The following CIMAP3 variants were observed in gnomAD, a reference collection of about 807,000 sequenced individuals.
CIMAP3 encodes ciliary microtubule associated protein 3.
At chr1:111,352,068 A>G in the CIMAP3 span, 6 of 152,140 alleles carry the variant, frequency 3.9e-5, no homozygotes, top group African/African-American at 1.4e-4. Flanking sequence ...ATGACCCCCT[A>G]GAACCTTACA....
chr1:111,347,747 C>T, the CIMAP3 span: 5 of 1,612,312 alleles, frequency 3.1e-6, no homozygotes. Flanking sequence ...GCCAGAACAG[C>T]TGTGAGGTTT....
the CIMAP3 span, among the ~76,000 whole-genome samples, chr1:111,347,367 T>G: frequency 6.6e-6 from 1 of 152,232 alleles, no homozygotes; most frequent in Non-Finnish European, 1.5e-5. Flanking sequence ...GACAGTTGCA[T>G]TAGAGTAAGT....
chr1:111,346,588 A>C, the CIMAP3 span: 38 of 1,607,444 alleles, frequency 2.4e-5, no homozygotes, highest in Non-Finnish European at 3.0e-5. Flanking sequence ...GCAGCTGGGA[A>C]TCACGGGACT....
At chr1:111,336,898 G>T in the CIMAP3 span, among the ~76,000 whole-genome samples, 1 of 151,822 alleles carries the variant, frequency 6.6e-6, no homozygotes, top group Non-Finnish European at 1.5e-5. Context: ...ATAATTGTCA[G>T]ATTCACCAAA....
At chr1:111,350,344 A>C in the CIMAP3 span, 1 of 748,540 alleles carries the variant, frequency 1.3e-6, no homozygotes, top group Non-Finnish European at 2.2e-6. Context: ...CCAAAAAATT[A>C]TATGCACAAT....
At chr1:111,342,047 C>T in the CIMAP3 span, among the ~76,000 whole-genome samples, 90 of 152,038 alleles carry the variant, frequency 5.9e-4, no homozygotes, top group African/African-American at 2.0e-3. Context: ...AACTTGAGAA[C>T]GATATAAACA....
chr1:111,327,280 G>A, the CIMAP3 span, among the ~76,000 whole-genome samples: 2 of 151,902 alleles, frequency 1.3e-5, no homozygotes, highest in Non-Finnish European at 2.9e-5. Context: ...GAGAGATAGA[G>A]GTCCAGTTTC....
At chr1:111,330,191 G>A in the CIMAP3 span, among the ~76,000 whole-genome samples, 1 of 152,094 alleles carries the variant, frequency 6.6e-6, no homozygotes, top group African/African-American at 2.4e-5. Context: ...TGTTATTCCA[G>A]CCAGTTCAGC....
At chr1:111,348,646 G>A in the CIMAP3 span, 2 of 1,579,942 alleles carry the variant, frequency 1.3e-6, no homozygotes, top group Non-Finnish European at 1.7e-6. Context: ...TACTATCCCA[G>A]GTATGTCTCC....
chr1:111,327,585 G>C, the CIMAP3 span, among the ~76,000 whole-genome samples: 1 of 152,048 alleles, frequency 6.6e-6, no homozygotes, highest in African/African-American at 2.4e-5. Context: ...CTCAGTCTTG[G>C]GAGGGTGTAT....
the CIMAP3 span, among the ~76,000 whole-genome samples, chr1:111,325,886 A>T: frequency 7.9e-5 from 12 of 152,212 alleles, no homozygotes; most frequent in African/African-American, 2.9e-4. Context: ...TATTAGGAGA[A>T]CTAATAACAC....
At chr1:111,324,973 C>A in the CIMAP3 span, 2 of 757,380 alleles carry the variant, frequency 2.6e-6, no homozygotes, top group Non-Finnish European at 3.2e-6. Flanking sequence ...GTAGAATATT[C>A]ACAAGGTCTC....
the CIMAP3 span, among the ~76,000 whole-genome samples, chr1:111,329,595 C>CAT: frequency 7.1e-6 from 1 of 140,994 alleles, no homozygotes. Context: ...GCTCTTGTTG[C>CAT]CCAGCCTGGA....
At chr1:111,350,183 C>A in the CIMAP3 span, 1 of 1,613,996 alleles carries the variant, frequency 6.2e-7, no homozygotes, top group Non-Finnish European at 8.5e-7. Context: ...CCAGACTGGG[C>A]TCAGGTTCCA....
chr1:111,345,923 T>C, the CIMAP3 span, among the ~76,000 whole-genome samples: 1 of 152,236 alleles, frequency 6.6e-6, no homozygotes, highest in Non-Finnish European at 1.5e-5. Context: ...TCCCGTCATC[T>C]TGATCCTCTC....
chr1:111,336,573 C>A, the CIMAP3 span, among the ~76,000 whole-genome samples: 1 of 151,992 alleles, frequency 6.6e-6, no homozygotes, highest in African/African-American at 2.4e-5. Context: ...GGAGCCGATG[C>A]AATCAACTAG....
the CIMAP3 span, among the ~76,000 whole-genome samples, chr1:111,341,502 A>G: frequency 3.9e-3 from 597 of 152,316 alleles, 2 homozygotes; most frequent in Non-Finnish European, 6.9e-3. Context: ...GGGCCCACCA[A>G]ATCTTGCTCT....
the CIMAP3 span, chr1:111,346,796 A>C: frequency 6.4e-7 from 1 of 1,574,280 alleles, no homozygotes; most frequent in Non-Finnish European, 8.7e-7. Flanking sequence ...TGGTTTTGTA[A>C]GCGCACGGTT....
chr1:111,350,568 CT>C, the CIMAP3 span, among the ~76,000 whole-genome samples: 1 of 152,174 alleles, frequency 6.6e-6, no homozygotes, highest in East Asian at 1.9e-4. Flanking sequence ...GATCTTGTGA[CT>C]CCTAATACAT....
Sources: gnomAD v4.1 joint callset for allele counts (sites outside exome capture counted in the v4.1 genomes callset) on GRCh38, gnomAD v4.1.1 for gene constraint, MANE v1.5 for transcripts, NCBI Gene and HGNC (gene_info 2026-07-23, HGNC 2026-07-21) for gene names.